The following GALNT13 variants were observed in gnomAD, a reference collection of about 807,000 sequenced individuals.
GALNT13 encodes the protein polypeptide N-acetylgalactosaminyltransferase 13.
Under a neutral mutation model 64.2 loss-of-function variants are expected in GALNT13, and 28 were observed. The observed-to-expected ratio is 0.44, with a 90% CI of 0.32 to 0.60. GALNT13 has a LOEUF of 0.60. Among genes scored for constraint, GALNT13 ranks in the 20% least tolerant of loss-of-function variants. GALNT13 has a pLI of 0.05. For missense variants in GALNT13, 577 were observed against 669.8 expected (o/e 0.86, Z 1.53); for synonymous variants, 214 against 224.6 (o/e 0.95, Z 0.42).
intron 4 of GALNT13, among the ~76,000 whole-genome samples, chr2:154,147,852 C>A (rs946938961): frequency 6.6e-6 from 1 of 151,012 alleles, no homozygotes; most frequent in African/African-American, 2.4e-5. Context: ...TATCCACTAT[C>A]ATGGTTGTTA....
At chr2:154,276,927 C>T (rs1691681622) in intron 8 of GALNT13, among the ~76,000 whole-genome samples, 1 of 152,264 alleles carries the variant, frequency 6.6e-6, no homozygotes, top group Non-Finnish European at 1.5e-5. Flanking sequence ...CATGAGTGTA[C>T]ATTTCCTAAG....
chr2:154,174,426 T>C (rs920600161), intron 4 of GALNT13, among the ~76,000 whole-genome samples: 1 of 152,152 alleles, frequency 6.6e-6, no homozygotes, highest in Non-Finnish European at 1.5e-5. Flanking sequence ...CTCTGGGGTG[T>C]ACAGGGTAAT....
the GALNT13 span, among the ~76,000 whole-genome samples, chr2:153,350,616 C>CG: frequency 6.6e-6 from 1 of 151,986 alleles, no homozygotes; most frequent in East Asian, 1.9e-4. Flanking sequence ...CTCCTGACTT[C>CG]AGGTGATCCA....
intron 9 of GALNT13, among the ~76,000 whole-genome samples, chr2:154,359,891 CTT>C (rs1696965832): frequency 3.3e-5 from 5 of 152,048 alleles, no homozygotes; most frequent in Admixed American, 1.3e-4. Flanking sequence ...TTTTCTTTAA[CTT>C]AATGTAATAG....
chr2:153,322,508 A>C, the GALNT13 span, among the ~76,000 whole-genome samples: 888 of 152,022 alleles, frequency 5.8e-3, 9 homozygotes, highest in African/African-American at 0.02. Context: ...AGAATGATTT[A>C]TTTATTTATT....
chr2:153,491,484 T>C, the GALNT13 span, among the ~76,000 whole-genome samples: 2 of 152,044 alleles, frequency 1.3e-5, no homozygotes, highest in Non-Finnish European at 2.9e-5. Context: ...GAAAGGGAGA[T>C]AGTGAGCACA....
At chr2:153,215,755 C>T in the GALNT13 span, among the ~76,000 whole-genome samples, 4 of 139,432 alleles carry the variant, frequency 2.9e-5, no homozygotes, top group African/African-American at 1.1e-4. Context: ...CTTAATCTTT[C>T]TAGCATTTTT....
At chr2:153,812,297 G>A in the GALNT13 span, among the ~76,000 whole-genome samples, 33 of 152,080 alleles carry the variant, frequency 2.2e-4, 1 homozygote, top group African/African-American at 7.5e-4. Flanking sequence ...ATTCTATAAT[G>A]GACACAAATC....
intron 3 of GALNT13, among the ~76,000 whole-genome samples, chr2:154,104,234 G>T (rs1368117084): frequency 6.6e-6 from 1 of 151,858 alleles, no homozygotes; most frequent in Non-Finnish European, 1.5e-5. Flanking sequence ...GTGTGGCGGG[G>T]AACCTATCTG....
chr2:153,109,354 AT>A, the GALNT13 span, among the ~76,000 whole-genome samples: 3 of 152,116 alleles, frequency 2.0e-5, no homozygotes, highest in African/African-American at 7.2e-5. Flanking sequence ...GGCTCCAAGC[AT>A]TTGCTGGACA....
At chr2:153,780,518 T>G in the GALNT13 span, among the ~76,000 whole-genome samples, 2 of 152,024 alleles carry the variant, frequency 1.3e-5, no homozygotes, top group Admixed American at 1.3e-4. Context: ...TCTAAGGATT[T>G]AGTAGAAATC....
At chr2:154,274,963 T>C (rs1050814327) in intron 8 of GALNT13, among the ~76,000 whole-genome samples, 3 of 151,978 alleles carry the variant, frequency 2.0e-5, no homozygotes, top group African/African-American at 7.2e-5. Context: ...GTCTCAGAGA[T>C]GGGGAACCTG....
intron 11 of GALNT13, among the ~76,000 whole-genome samples, chr2:154,414,863 G>A (rs1699941871): frequency 6.6e-6 from 1 of 151,450 alleles, no homozygotes; most frequent in South Asian, 2.1e-4. Context: ...TCTTTTTTGT[G>A]TAGAAATGCC....
chr2:153,494,291 G>A, the GALNT13 span, among the ~76,000 whole-genome samples: 4 of 151,912 alleles, frequency 2.6e-5, no homozygotes, highest in Non-Finnish European at 4.4e-5. Flanking sequence ...AAATTTATCA[G>A]ATGACTCAAA....
chr2:154,328,571 A>T (rs1371070681), intron 9 of GALNT13, among the ~76,000 whole-genome samples: 1 of 152,120 alleles, frequency 6.6e-6, no homozygotes, highest in Non-Finnish European at 1.5e-5. Context: ...CGGTCCAGGG[A>T]CTAGCAACAT....
chr2:153,255,780 T>C, the GALNT13 span, among the ~76,000 whole-genome samples: 2 of 152,310 alleles, frequency 1.3e-5, no homozygotes, highest in South Asian at 2.1e-4. Flanking sequence ...TCTTTAAGAA[T>C]GTTGAATATT....
chr2:153,350,940 C>T, the GALNT13 span, among the ~76,000 whole-genome samples: 2 of 151,898 alleles, frequency 1.3e-5, no homozygotes, highest in Admixed American at 6.6e-5. Flanking sequence ...AAAGATAGTC[C>T]TATGGCAAAA....
chr2:153,945,968 AT>A, intron 3 of GALNT13, among the ~76,000 whole-genome samples: 1 of 152,234 alleles, frequency 6.6e-6, no homozygotes, highest in African/African-American at 2.4e-5. Flanking sequence ...GTTTACATGC[AT>A]TTTTTATGCC....
intron 3 of GALNT13, among the ~76,000 whole-genome samples, chr2:154,050,683 AAG>A (rs1303269593): frequency 1.3e-5 from 2 of 152,158 alleles, no homozygotes; most frequent in Non-Finnish European, 2.9e-5. Context: ...GGAGTACTCA[AAG>A]AGTGTTTTTG....
Sources: allele counts gnomAD v4.1 joint callset (sites outside exome capture counted in the v4.1 genomes callset), GRCh38; gene constraint gnomAD v4.1.1; transcripts MANE v1.5; gene names NCBI Gene and HGNC (gene_info 2026-07-23, HGNC 2026-07-21).